The following CD99L2 variants were observed in gnomAD, a reference collection of about 807,000 sequenced individuals.
The protein encoded by CD99L2 is CD99 molecule like 2.
In CD99L2, 24 loss-of-function variants were observed where a neutral mutation model predicts 27.3. That is an observed-to-expected ratio of 0.88 (90% CI 0.64 to 1.24). The LOEUF is 1.24. CD99L2 is among the 50% of genes most tolerant of loss of function. The pLI is 0.00. For synonymous variants in CD99L2, 97 were observed against 87.9 expected, an observed-to-expected ratio of 1.10 and a Z score of -0.58; for missense variants, 255 against 221.6, an observed-to-expected ratio of 1.15 and a Z score of -0.96.
intron 9 of CD99L2, 142 bp downstream of exon 9, chrX:150,776,032 G>A (rs1030746774): frequency 8.4e-5 from 68 of 809,547 alleles, no homozygotes; most frequent in African/African-American, 2.1e-5. Context: ...TTCCAAAACT[G>A]TTGCCTCCAC....
intron 2 of CD99L2, among the ~76,000 whole-genome samples, chrX:150,830,953 C>T (rs1341421935): frequency 1.8e-5 from 2 of 109,779 alleles, no homozygotes; most frequent in African/African-American, 6.6e-5. Context: ...GTATTATAGG[C>T]ATGCAATACC....
In CD99L2 at chrX:150,780,753, C is replaced by T. The variant is rs190472713; in HGVS notation, c.497-3271G>A. ...AATATTTTAAGAGTGTCTAATAAGA[C>T]ATTGAAAAAGTGTTTCACTTCCTTT... On this transcript the variant is annotated intron_variant, in intron 7 of 10. Coordinates refer to ENST00000370377, the MANE Select transcript of CD99L2 (RefSeq NM_031462.4). Among the ~76,000 whole-genome samples, 555 of 110,732 alleles carry T rather than the reference C, an allele frequency of 5.0e-3. 1 individual carries two copies. The highest frequency in any genetic ancestry group is 7.4e-3 in the Non-Finnish European group (392 of 52,897).
intron 7 of CD99L2, among the ~76,000 whole-genome samples, chrX:150,783,142 C>CG (rs1320038699): frequency 9.7e-4 from 1 of 1,031 alleles, no homozygotes; most frequent in Non-Finnish European, 1.9e-3. Context: ...CGGGGCCTGT[C>CG]GGGGGGTAGG....
At chrX:150,896,402 A>AAATT (rs782651003) in intron 1 of CD99L2, among the ~76,000 whole-genome samples, 2 of 112,223 alleles carry the variant, frequency 1.8e-5, no homozygotes, top group African/African-American at 3.2e-5. Context: ...CGTCTCAAAA[A>AAATT]AATTAATTAA....
In CD99L2 at chrX:150,815,994, G is replaced by A. The variant is rs2057718587; in HGVS notation, c.202+13C>T. 1 of 1,208,028 alleles carries A rather than the reference G, an allele frequency of 8.3e-7. No homozygotes were observed. Among genetic ancestry groups the A allele is most frequent in the African/African-American group, 1.8e-5 (1 of 56,957 alleles). ...GCCCTTCCTCACTGCCCTCCTTAAG[G>A]CAGCCACATTACCTGGAGGTTTTGC... On this transcript the variant is annotated intron_variant, in intron 3 of 10. Coordinates refer to ENST00000370377, the MANE Select transcript of CD99L2 (RefSeq NM_031462.4).
At chrX:150,838,862 T>TAG (rs1557421289) in intron 1 of CD99L2, among the ~76,000 whole-genome samples, 2 of 66,716 alleles carry the variant, frequency 3.0e-5, no homozygotes, top group African/African-American at 1.3e-4. Context: ...GCGGAAAACA[T>TAG]GAACTTTAAC....
At chrX:150,883,377 G>C (rs2047361776) in intron 1 of CD99L2, among the ~76,000 whole-genome samples, 1 of 111,206 alleles carries the variant, frequency 9.0e-6, no homozygotes, top group Non-Finnish European at 1.9e-5. Context: ...GGGCTGAAGA[G>C]CAGGCCCATG....
intron 1 of CD99L2, among the ~76,000 whole-genome samples, chrX:150,847,315 C>T (rs1471473362): frequency 3.6e-5 from 4 of 111,719 alleles, no homozygotes; most frequent in African/African-American, 9.8e-5. Context: ...CAACTTTGTG[C>T]CTGTTTTTCA....
In CD99L2 at chrX:150,767,073, A is replaced by G. The variant is rs1351585748; in HGVS notation, c.*1961T>C. 8.9e-6 allele frequency: 1 copy of G among 112,046 alleles called. No individual in the cohort carries two copies. The highest frequency in any genetic ancestry group is 1.9e-5 in the Non-Finnish European group (1 of 53,190). 9.2% of individuals were successfully genotyped at this position (112,046 alleles called of 1,213,427 possible). ...CCGACAGGCCTCACCATAAAGGTAA[A>G]GTGGACAACCCCTGAGGTCACGCTG... On this transcript the variant is annotated 3_prime_UTR_variant, in exon 11 of 11. Coordinates refer to ENST00000370377, the MANE Select transcript of CD99L2 (RefSeq NM_031462.4).
rs1381854444 is a variant in CD99L2, at chrX:150,807,751, G to C, written c.277+7111C>G. Among the ~76,000 whole-genome samples the C allele has an allele frequency of 2.7e-5, 3 of 112,578 alleles. No individual in the cohort carries two copies. The Admixed American group carries it at 2.8e-4, about 11-fold the overall frequency. On this transcript the variant is annotated intron_variant, in intron 4 of 10. Coordinates refer to ENST00000370377, the MANE Select transcript of CD99L2 (RefSeq NM_031462.4). Reference sequence around the variant, plus strand: ...CAGATCTGCCTGCAGGCCTGTGTGTGTGTGCTCACATCCACTTATATTTGA... The same window carrying C: ...CAGATCTGCCTGCAGGCCTGTGTGTCTGTGCTCACATCCACTTATATTTGA...
At chrX:150,813,269 TTATATC>T (rs1394797979) in intron 4 of CD99L2, among the ~76,000 whole-genome samples, 1 of 112,009 alleles carries the variant, frequency 8.9e-6, no homozygotes, top group Non-Finnish European at 1.9e-5. Flanking sequence ...AATGCATAGA[TTATATC>T]TATGTCAATA....
intron 1 of CD99L2, among the ~76,000 whole-genome samples, chrX:150,878,684 G>A (rs2047274000): frequency 9.0e-6 from 1 of 111,632 alleles, no homozygotes; most frequent in African/African-American, 3.2e-5. Flanking sequence ...TAAAATGCAT[G>A]GGAAGATAAA....
rs781992621 is a variant in CD99L2, at chrX:150,769,043, G to A, written c.780C>T (p.Ala260=). ...SAEPPPPPEP[A]RI is the part of the protein sequence containing the mutation. ...CAGCTGGACAGGGCCCTCAGATCCG[G>A]GCTGGTTCGGGCGGCGGCGGCGGCT... is the stretch of plus-strand genomic sequence containing the variant. Residue 260 remains alanine (A), a synonymous_variant, in exon 11 of 11, where the codon GCC becomes GCT. Coordinates refer to ENST00000370377, the MANE Select transcript of CD99L2 (RefSeq NM_031462.4). The A allele has an allele frequency of 1.7e-6, 2 of 1,153,698 alleles. No homozygotes were observed. The highest frequency in any genetic ancestry group is 1.1e-6 in the Non-Finnish European group (1 of 875,286).
chrX:150,863,858 T>C (rs1194601376), intron 1 of CD99L2, among the ~76,000 whole-genome samples: 2 of 111,975 alleles, frequency 1.8e-5, no homozygotes, highest in East Asian at 2.8e-4. Context: ...CATGTGAAGA[T>C]GGAGACACAG....
chrX:150,849,976 C>T (rs1193763525), intron 1 of CD99L2, among the ~76,000 whole-genome samples: 3 of 111,737 alleles, frequency 2.7e-5, no homozygotes, highest in Non-Finnish European at 5.6e-5. Context: ...GCATTTAATA[C>T]TACGCAAAAT....
At chrX:150,854,410 T>C (rs2046838898) in intron 1 of CD99L2, among the ~76,000 whole-genome samples, 1 of 111,916 alleles carries the variant, frequency 8.9e-6, no homozygotes, top group Non-Finnish European at 1.9e-5. Context: ...TGTTGGCAGC[T>C]AACCCACAAA....
chrX:150,872,618 G>A (rs1365221867), intron 1 of CD99L2, among the ~76,000 whole-genome samples: 1 of 99,387 alleles, frequency 1.0e-5, no homozygotes, highest in Non-Finnish European at 2.0e-5. Flanking sequence ...AGGCTACTCT[G>A]GGCACACTGC....
At chrX:150,893,939 C>T (rs2047561966) in intron 1 of CD99L2, among the ~76,000 whole-genome samples, 1 of 111,608 alleles carries the variant, frequency 9.0e-6, no homozygotes, top group Non-Finnish European at 1.9e-5. Flanking sequence ...TGGTATCAAA[C>T]TCCTGACCTC....
intron 9 of CD99L2, chrX:150,771,731 G>A (rs1231930917): frequency 1.9e-5 from 21 of 1,086,972 alleles, no homozygotes; most frequent in Non-Finnish European, 2.2e-5. Context: ...GCAAGGAAGC[G>A]CCAGAGCAGG....
Sources: gnomAD v4.1 joint callset for allele counts (sites outside exome capture counted in the v4.1 genomes callset) on GRCh38, gnomAD v4.1.1 for gene constraint, MANE v1.5 for transcripts, NCBI Gene and HGNC (gene_info 2026-07-23, HGNC 2026-07-21) for gene names.